SNAP91: variants seen among roughly 807,000 people sequenced by gnomAD.
SNAP91 encodes clathrin coat assembly protein AP180.
In SNAP91, 27 loss-of-function variants were observed where a neutral mutation model predicts 100.3. That is an observed-to-expected ratio of 0.27 (90% confidence interval 0.20 to 0.37). The LOEUF (loss-of-function observed/expected upper bound fraction) is 0.37. SNAP91 is among the 10% of genes least tolerant of loss of function. The probability of loss-of-function intolerance (pLI) is 1.00; values close to 1 mark genes in which losing one functional copy is unlikely to be tolerated. For synonymous variants in SNAP91, 404 were observed against 398.6 expected (o/e 1.01, Z -0.16); for missense variants, 986 against 1,123.7 (o/e 0.88, Z 1.75).
intron 24 of SNAP91, among the ~76,000 whole-genome samples, chr6:83,579,537 C>T (rs185823686): frequency 2.6e-5 from 4 of 152,282 alleles, no homozygotes; most frequent in Admixed American, 1.3e-4. Context: ...TTTGATACTA[C>T]CTTGAATAAT....
In SNAP91 at chr6:83,707,895, G is replaced by T. The variant is rs761524027; in HGVS notation, c.33C>A (p.Ala11=). The T allele has an allele frequency of 6.3e-7, 1 of 1,595,936 alleles. No individual in the cohort carries two copies. Among genetic ancestry groups the T allele is most frequent in the East Asian group, 2.3e-5 (1 of 43,914 alleles). Residue 11 remains alanine, a synonymous_variant, in exon 2 of 30, where the codon GCC becomes GCA. Transcript: ENST00000369694. ...AGCCTGTAACGCTGTACTGAGCGGC[G>T]GCGATCCGATCCGTGAGCGTTTGGC... MSGQTLTDRI[A]AAQYSVTGSA...
At chr6:83,704,752 T>C (rs1446641742) in intron 2 of SNAP91, among the ~76,000 whole-genome samples, 2 of 152,086 alleles carry the variant, frequency 1.3e-5, no homozygotes, top group Non-Finnish European at 2.9e-5. Context: ...AACTCCAAAC[T>C]AAAAAGTTAT....
rs114784317 is a variant in SNAP91, at chr6:83,564,335, C to T, written c.2443-3388G>A. ...CTCTTCCTTTCTTTCTTTCTCTTTT[C>T]TTTTTTTTTTTATATATATATATAC... On this transcript the variant is annotated intron_variant, in intron 26 of 29. Coordinates refer to ENST00000369694, the MANE Select transcript of SNAP91 (RefSeq NM_001242792.2). 3.7e-3 allele frequency among the ~76,000 whole-genome samples: 528 copies of T among 144,232 alleles called. 2 individuals carry two copies. Among genetic ancestry groups the T allele is most frequent in the African/African-American group, 0.013 (503 of 39,248 alleles). 94.6% of individuals were successfully genotyped at this position (144,232 alleles called of 152,430 possible).
intron 9 of SNAP91, among the ~76,000 whole-genome samples, chr6:83,619,012 C>CA (rs1237509252): frequency 7.4e-5 from 11 of 148,090 alleles, no homozygotes; most frequent in African/African-American, 1.5e-4. Context: ...CAAAACAAAA[C>CA]AAAAAAACAA....
At chr6:83,576,184 T>C (rs938712619) in intron 24 of SNAP91, 131 bp from the exon 25 acceptor site, 13 of 500,316 alleles carry the variant, frequency 2.6e-5, no homozygotes, top group African/African-American at 1.0e-4. Context: ...TGCATTCAGT[T>C]ATACAGAAAA....
At chr6:83,696,696 T>A (rs2099217437) in intron 2 of SNAP91, among the ~76,000 whole-genome samples, 1 of 152,224 alleles carries the variant, frequency 6.6e-6, no homozygotes, top group Non-Finnish European at 1.5e-5. Context: ...GGCTTAAACA[T>A]CTCTTCCTCT....
At chr6:83,691,399 C>A (rs931979762) in intron 2 of SNAP91, among the ~76,000 whole-genome samples, 45 of 152,076 alleles carry the variant, frequency 3.0e-4, no homozygotes, top group African/African-American at 1.0e-3. Context: ...GTCTTGTCTG[C>A]CTTTTCATTA....
At chr6:83,649,790 G>T (rs1331565796) in intron 7 of SNAP91, among the ~76,000 whole-genome samples, 3 of 151,154 alleles carry the variant, frequency 2.0e-5, no homozygotes, top group Non-Finnish European at 4.4e-5. Context: ...GGTTTCACCA[G>T]GTTGGCCAGG....
intron 8 of SNAP91, among the ~76,000 whole-genome samples, chr6:83,630,818 G>GT (rs2097177597): frequency 6.7e-6 from 1 of 148,692 alleles, no homozygotes; most frequent in African/African-American, 2.5e-5. Flanking sequence ...CTTCTGTATT[G>GT]TTTTTTGTTT....
chr6:83,585,525 T>C (rs1334870116), intron 22 of SNAP91, among the ~76,000 whole-genome samples: 2 of 81,802 alleles, frequency 2.4e-5, no homozygotes, highest in African/African-American at 1.2e-4. Flanking sequence ...GGTGACCTTG[T>C]TGCTTAAAAA....
intron 2 of SNAP91, among the ~76,000 whole-genome samples, chr6:83,706,053 A>G (rs1159997827): frequency 6.6e-6 from 1 of 152,092 alleles, no homozygotes; most frequent in Non-Finnish European, 1.5e-5. Context: ...CTACCTTCAA[A>G]TTTTCAAAAG....
At chr6:83,687,920 A>G (rs557113330) in intron 2 of SNAP91, among the ~76,000 whole-genome samples, 7 of 152,332 alleles carry the variant, frequency 4.6e-5, no homozygotes, top group African/African-American at 1.4e-4. Context: ...GAATAGATGC[A>G]GTTGTTATCT....
chr6:83,683,233 G>C (rs1587390887), intron 2 of SNAP91, among the ~76,000 whole-genome samples: 1 of 152,174 alleles, frequency 6.6e-6, no homozygotes, highest in East Asian at 1.9e-4. Context: ...GTGTGCCTAA[G>C]ATGATTTCCT....
chr6:83,561,127 C>T (rs1347766894), intron 26 of SNAP91, among the ~76,000 whole-genome samples, 180 bp from the exon 27 acceptor site: 3 of 152,182 alleles, frequency 2.0e-5, no homozygotes, highest in Non-Finnish European at 2.9e-5. Flanking sequence ...ACTGCAGCCT[C>T]GAACTCCTGG....
At chr6:83,557,929 T>C (rs901270867) in intron 28 of SNAP91, among the ~76,000 whole-genome samples, 1 of 151,784 alleles carries the variant, frequency 6.6e-6, no homozygotes, top group African/African-American at 2.4e-5. Flanking sequence ...TTTTATTATC[T>C]AGTATAATTA....
At chr6:83,656,675 C>A (rs992067921) in intron 7 of SNAP91, 79 bp downstream of exon 7, 7 of 571,594 alleles carry the variant, frequency 1.2e-5, no homozygotes, top group Non-Finnish European at 1.8e-5. Flanking sequence ...CCAAGTGAGA[C>A]AACAGACTCA....
chr6:83,689,139 C>T (rs1241420186), intron 2 of SNAP91, among the ~76,000 whole-genome samples: 1 of 152,152 alleles, frequency 6.6e-6, no homozygotes, highest in African/African-American at 2.4e-5. Context: ...TCTGCTATCC[C>T]ATCTGCAACA....
At chr6:83,599,996 G>A (rs1012861877) in intron 16 of SNAP91, among the ~76,000 whole-genome samples, 1 of 152,048 alleles carries the variant, frequency 6.6e-6, no homozygotes, top group Non-Finnish European at 1.5e-5. Flanking sequence ...TATTGCCCAG[G>A]CTGGTCTCAA....
chr6:83,654,401 T>C (rs939730849), intron 7 of SNAP91, among the ~76,000 whole-genome samples: 3 of 152,218 alleles, frequency 2.0e-5, no homozygotes, highest in African/African-American at 7.2e-5. Flanking sequence ...TGGTGACTTC[T>C]AAGCTCCTTC....
Sources: allele counts gnomAD v4.1 joint callset (sites outside exome capture counted in the v4.1 genomes callset), GRCh38; gene constraint gnomAD v4.1.1; transcripts MANE v1.5; gene names NCBI Gene and HGNC (gene_info 2026-07-23, HGNC 2026-07-21).